The following CISD2 variants were observed in gnomAD, a reference collection of about 807,000 sequenced individuals.
CISD2 encodes CDGSH iron sulfur domain 2.
CISD2 carries 1 observed loss-of-function variant against 12.9 expected under a neutral mutation model. The observed-to-expected ratio is 0.08, with a 90% CI of 0.03 to 0.37. The LOEUF (loss-of-function observed/expected upper bound fraction) is 0.37. Ranked by LOEUF, CISD2 falls within the 10% of genes least tolerant of loss-of-function variation. The pLI is 0.99. For missense variants in CISD2, 97 were observed against 163.1 expected (o/e 0.59, Z 2.21); for synonymous variants, 50 against 60.6 (o/e 0.83, Z 0.81).
rs1317070743 is a variant in CISD2 at position 102,887,970 on chromosome 4, G to T, written c.*540G>T. Reference sequence around the variant, plus strand: ...ATATGAATATCCCAGCTTTAGAAAAGAAGTAAACTGGATACAAAAAGTTCC... The same window carrying T: ...ATATGAATATCCCAGCTTTAGAAAATAAGTAAACTGGATACAAAAAGTTCC... On this transcript the variant is annotated 3_prime_UTR_variant, in exon 3 of 3. Transcript: ENST00000273986. The T allele has an allele frequency of 2.0e-5, 3 of 153,416 alleles. No individual in the cohort carries two copies. The highest frequency in any genetic ancestry group is 7.2e-5 in the African/African-American group (3 of 41,458). The allele number at this position is 153,416 out of a possible 1,614,324, so 9.5% of individuals were successfully genotyped here.
intron 1 of CISD2, among the ~76,000 whole-genome samples, chr4:102,883,464 C>A (rs1361113802): frequency 6.6e-6 from 1 of 152,204 alleles, no homozygotes; most frequent in East Asian, 1.9e-4. Flanking sequence ...CCTAGTACCT[C>A]TCATGTGGCC....
chr4:102,878,476 T>A (rs1309062017), intron 1 of CISD2, among the ~76,000 whole-genome samples: 2 of 152,196 alleles, frequency 1.3e-5, no homozygotes, highest in Non-Finnish European at 2.9e-5. Context: ...TTTTCCAAAC[T>A]TTTATGCTCT....
Position 102,885,367 on chromosome 4 carries a change from A to C in CISD2, c.255A>C (p.Glu85Asp). ...IQKENPKVVN[E>D]INIEDLCLTK... ...AGGAAAATCCGAAAGTAGTGAATGA[A>C]ATAAACATTGAAGATTTGTGTCTTA... The change falls in exon 2 of 3, where the codon GAA becomes GAC. Residue 85 changes from glutamate to aspartate, a missense_variant. By Grantham distance (45) the Glu-to-Asp change is conservative (BLOSUM62 2). Coordinates refer to ENST00000273986, the MANE Select transcript of CISD2 (RefSeq NM_001008388.5). 1.2e-6 allele frequency: 2 copies of C among 1,614,124 alleles called. No homozygotes were observed. Among genetic ancestry groups the C allele is most frequent in the Non-Finnish European group, 1.7e-6 (2 of 1,179,956 alleles).
chr4:102,870,966 C>T (rs1028069345), intron 1 of CISD2, among the ~76,000 whole-genome samples: 5 of 152,142 alleles, frequency 3.3e-5, no homozygotes, highest in African/African-American at 1.2e-4. Context: ...TGGATGTCTT[C>T]ACTTAAATAG....
In CISD2 at chr4:102,885,371, A is replaced by G. The variant is rs764899307; in HGVS notation, c.259A>G (p.Asn87Asp). ...KENPKVVNEI[N>D]IEDLCLTKAA... ...AAATCCGAAAGTAGTGAATGAAATA[A>G]ACATTGAAGATTTGTGTCTTACTAA... Residue 87 changes from asparagine (N) to aspartate (D), a missense_variant, in exon 2 of 3, where the codon AAC becomes GAC. Coordinates refer to ENST00000273986, the MANE Select transcript of CISD2 (RefSeq NM_001008388.5). 1.8e-5 allele frequency: 29 copies of G among 1,614,006 alleles called. No individual in the cohort carries two copies. The highest frequency in any genetic ancestry group is 1.7e-6 in the Non-Finnish European group (2 of 1,179,960).
At position 102,888,148 on chromosome 4, in the gene CISD2, G is replaced by T. The variant is rs1319943453; in HGVS notation, c.*718G>T. 1.5e-5 allele frequency: 2 copies of T among 130,692 alleles called. No individual in the cohort carries two copies. The allele number at this position is 130,692 out of a possible 1,614,324, so 8.1% of individuals were successfully genotyped here. A position where few individuals can be genotyped will look rare whatever the true frequency, so the allele number is the denominator to read the frequency against. On this transcript the variant is annotated 3_prime_UTR_variant, in exon 3 of 3. Coordinates refer to ENST00000273986, the MANE Select transcript of CISD2 (RefSeq NM_001008388.5). ...AGAACACTTACAACCAAACTCATGG[G>T]CTGCTGCAATTTGAAGATAATTGGT...
At chr4:102,887,286 C>G in intron 2 of CISD2, 55 bp from the exon 3 acceptor site, 1 of 1,034,188 alleles carries the variant, frequency 9.7e-7, no homozygotes, top group Non-Finnish European at 1.5e-6. Flanking sequence ...ACAAATGTTT[C>G]TACCTAATGA....
intron 1 of CISD2, among the ~76,000 whole-genome samples, chr4:102,875,656 C>G (rs1380758562): frequency 6.6e-6 from 1 of 152,178 alleles, no homozygotes; most frequent in Non-Finnish European, 1.5e-5. Context: ...TAGGCTAAAA[C>G]TTACTGAGGT....
At chr4:102,875,898 C>A (rs567948439) in intron 1 of CISD2, among the ~76,000 whole-genome samples, 1 of 152,208 alleles carries the variant, frequency 6.6e-6, no homozygotes, top group Non-Finnish European at 1.5e-5. Flanking sequence ...ATTCTGCGCT[C>A]AAGTGCTTGA....
At chr4:102,878,333 G>A (rs993730981) in intron 1 of CISD2, among the ~76,000 whole-genome samples, 9 of 152,104 alleles carry the variant, frequency 5.9e-5, no homozygotes, top group East Asian at 1.9e-4. Flanking sequence ...GTTTCACCAT[G>A]TTGGCCAGGA....
chr4:102,881,776 T>G (rs2110397366), intron 1 of CISD2, among the ~76,000 whole-genome samples: 1 of 152,344 alleles, frequency 6.6e-6, no homozygotes, highest in Admixed American at 6.5e-5. Context: ...AGCATAGTGT[T>G]TTACCAAGGA....
rs1363190399 is a variant in CISD2, at chr4:102,888,625, T to A, written c.*1195T>A. The A allele has an allele frequency of 3.3e-5, 5 of 152,270 alleles. No homozygotes were observed. The highest frequency in any genetic ancestry group is 5.9e-5 in the Non-Finnish European group (4 of 68,048). The allele number at this position is 152,270 out of a possible 1,614,324, so 9.4% of individuals were successfully genotyped here. On this transcript the variant is annotated 3_prime_UTR_variant, in exon 3 of 3. Coordinates refer to ENST00000273986, the MANE Select transcript of CISD2 (RefSeq NM_001008388.5). Reference sequence around the variant, plus strand: ...TGAATCTTTTTAGTTTCATCTTACATTACTACTCTCATAATAGCTATCCTT... The same window carrying A: ...TGAATCTTTTTAGTTTCATCTTACAATACTACTCTCATAATAGCTATCCTT...
At position 102,891,604 on chromosome 4, in the gene CISD2, A is replaced by G. The variant is rs1269728511; in HGVS notation, c.*4174A>G. On this transcript the variant is annotated 3_prime_UTR_variant, in exon 3 of 3. Transcript: ENST00000273986. ...TTTAGTTAAAAGCTTAGTGCTTAAC[A>G]TGTTGGAAAATTTATATGTAAAATA... The G allele has an allele frequency of 1.3e-5, 2 of 152,226 alleles. No individual in the cohort carries two copies. The highest frequency in any genetic ancestry group is 4.8e-5 in the African/African-American group (2 of 41,452). The allele number at this position is 152,226 out of a possible 1,614,324, so 9.4% of individuals were successfully genotyped here.
intron 1 of CISD2, among the ~76,000 whole-genome samples, chr4:102,882,148 A>T (rs1560904476): frequency 1.3e-5 from 2 of 152,134 alleles, no homozygotes; most frequent in South Asian, 4.1e-4. Context: ...CCAAGAGCAC[A>T]CCACTGCACT....
In CISD2 at chr4:102,892,546, A is replaced by C. The variant is rs1466889277; in HGVS notation, c.*5116A>C. 2.6e-5 allele frequency: 4 copies of C among 152,240 alleles called. No individual in the cohort carries two copies. The highest frequency in any genetic ancestry group is 5.9e-5 in the Non-Finnish European group (4 of 68,042). The allele number at this position is 152,240 out of a possible 1,614,324, so 9.4% of individuals were successfully genotyped here. Reference sequence around the variant, plus strand: ...TTTCAACCAGAGATGACATCACTCTAACTTTCCTTTGGTTTAAATGCTTGA... The same window carrying C: ...TTTCAACCAGAGATGACATCACTCTCACTTTCCTTTGGTTTAAATGCTTGA... On this transcript the variant is annotated 3_prime_UTR_variant, in exon 3 of 3. Coordinates refer to ENST00000273986, the MANE Select transcript of CISD2 (RefSeq NM_001008388.5).
chr4:102,875,656 C>T (rs1380758562), intron 1 of CISD2, among the ~76,000 whole-genome samples: 1 of 152,178 alleles, frequency 6.6e-6, no homozygotes, highest in Non-Finnish European at 1.5e-5. Context: ...TAGGCTAAAA[C>T]TTACTGAGGT....
In CISD2 at chr4:102,890,642, AC is replaced by A. The variant is rs1734194944; in HGVS notation, c.*3214del. ...GAGTACTTGATCTCAGGAGTACCAT[AC>A]CAGCTTGGGCAACGTGGTGAGATCT... On this transcript the variant is annotated 3_prime_UTR_variant, in exon 3 of 3. Coordinates refer to ENST00000273986, the MANE Select transcript of CISD2 (RefSeq NM_001008388.5). The A allele has an allele frequency of 2.0e-5, 3 of 152,030 alleles. No individual in the cohort carries two copies. In the South Asian group the frequency reaches 6.2e-4, roughly 32 times the overall value. 9.4% of individuals were successfully genotyped at this position (152,030 alleles called of 1,614,324 possible).
intron 1 of CISD2, chr4:102,869,477 A>G (rs973322223): frequency 7.1e-6 from 5 of 702,562 alleles, no homozygotes; most frequent in South Asian, 5.9e-5. Context: ...GGAACAGGCC[A>G]GTCTCTTTCA....
At chr4:102,885,044 T>C (rs1257337812) in intron 1 of CISD2, 172 bp from the exon 2 acceptor site, 2 of 603,070 alleles carry the variant, frequency 3.3e-6, no homozygotes, top group Admixed American at 2.7e-5. Flanking sequence ...TAAAGTAAGG[T>C]GGTCTTTGGT....
Sources: allele counts gnomAD v4.1 joint callset (sites outside exome capture counted in the v4.1 genomes callset), GRCh38; gene constraint gnomAD v4.1.1; transcripts MANE v1.5; gene names NCBI Gene and HGNC (gene_info 2026-07-23, HGNC 2026-07-21).